The following XYLT1 variants were observed in gnomAD, a reference collection of about 807,000 sequenced individuals.
The protein encoded by XYLT1 is xylosyltransferase 1, also known as beta-D-xylosyltransferase 1.
A neutral mutation model predicts 91.3 loss-of-function variants in XYLT1; 36 were observed. That is an observed-to-expected ratio of 0.39 (90% CI 0.30 to 0.52). The LOEUF (loss-of-function observed/expected upper bound fraction) is 0.52. XYLT1 is among the 20% of genes least tolerant of loss of function. The pLI, the probability that XYLT1 is intolerant of heterozygous loss-of-function variation, is 0.68. For synonymous variants in XYLT1, 588 were observed against 532.0 expected (o/e 1.11, Z -1.45); for missense variants, 1,242 against 1,284.5 (o/e 0.97, Z 0.51).
intron 1 of XYLT1, among the ~76,000 whole-genome samples, chr16:17,398,809 A>C (rs2035923116): frequency 1.2e-5 from 1 of 82,948 alleles, no homozygotes; most frequent in Non-Finnish European, 2.6e-5. Context: ...GCTATGTCCA[A>C]ATGTCCCCGC....
rs573601866 is a variant in XYLT1 at position 17,241,721 on chromosome 16, G to A, written c.913+17267C>T. On this transcript the variant is annotated intron_variant, in intron 3 of 11. Transcript: ENST00000261381. ...GTCTCTTACTCCCAGGTTATGAAACGGTTGACTTTTAGGGGATACAGTGTG... is the reference window on the plus strand; with the variant it reads ...GTCTCTTACTCCCAGGTTATGAAACAGTTGACTTTTAGGGGATACAGTGTG... Among the ~76,000 whole-genome samples, 7 of 152,274 alleles carry A rather than the reference G, an allele frequency of 4.6e-5. No individual in the cohort carries two copies. The South Asian group carries it at 1.2e-3, about 27-fold the overall frequency.
chr16:17,199,674 A>G (rs1163957587), intron 4 of XYLT1, among the ~76,000 whole-genome samples: 1 of 152,106 alleles, frequency 6.6e-6, no homozygotes, highest in Non-Finnish European at 1.5e-5. Context: ...TTACACCGGG[A>G]AACTTCTTTT....
At chr16:17,422,554 G>A (rs2036262806) in intron 1 of XYLT1, among the ~76,000 whole-genome samples, 1 of 152,036 alleles carries the variant, frequency 6.6e-6, no homozygotes, top group African/African-American at 2.4e-5. Context: ...CTGTCACCCA[G>A]GCTGGAGTGC....
chr16:17,367,196 C>T lies in XYLT1; in HGVS notation c.364-9146G>A, dbSNP rs144907503. On this transcript the variant is annotated intron_variant, in intron 1 of 11. Transcript: ENST00000261381. ...TTAGTTCCTCTTAGAAGACAATTGGCGACACTTTACAGTGTTTTGCTTTTC... is the reference window on the plus strand; with the variant it reads ...TTAGTTCCTCTTAGAAGACAATTGGTGACACTTTACAGTGTTTTGCTTTTC... 3.4e-3 allele frequency among the ~76,000 whole-genome samples: 524 copies of T among 152,296 alleles called. 1 individual carries two copies. The highest frequency in any genetic ancestry group is 6.1e-3 in the Admixed American group (94 of 15,302).
At chr16:17,347,148 G>A (rs2035155192) in intron 2 of XYLT1, among the ~76,000 whole-genome samples, 1 of 152,306 alleles carries the variant, frequency 6.6e-6, no homozygotes, top group Middle Eastern at 3.4e-3. Flanking sequence ...TAAGAAATTA[G>A]ATTCAAATAC....
At chr16:17,178,116 T>A (rs1485690875) in intron 5 of XYLT1, among the ~76,000 whole-genome samples, 1 of 152,134 alleles carries the variant, frequency 6.6e-6, no homozygotes, top group Non-Finnish European at 1.5e-5. Context: ...TGGCAGGAAC[T>A]CTGCGGGGCT....
intron 2 of XYLT1, among the ~76,000 whole-genome samples, chr16:17,306,817 C>G (rs1233729961): frequency 1.3e-5 from 2 of 152,022 alleles, no homozygotes; most frequent in Admixed American, 6.6e-5. Flanking sequence ...CTTGAATGTC[C>G]TTACATTCAT....
intron 1 of XYLT1, among the ~76,000 whole-genome samples, chr16:17,454,741 T>C (rs534972969): frequency 6.6e-6 from 1 of 152,080 alleles, no homozygotes; most frequent in Non-Finnish European, 1.5e-5. Flanking sequence ...GTTTCAACCA[T>C]GTTGGTCAGG....
chr16:17,393,704 AGGAGTTCAAGACCAGCCT>A (rs2035848631), intron 1 of XYLT1, among the ~76,000 whole-genome samples: 1 of 152,126 alleles, frequency 6.6e-6, no homozygotes, highest in South Asian at 2.1e-4. Flanking sequence ...GTTTAAGCCC[AGGAGTTCAAGACCAGCCT>A]GGGAAACATA....
chr16:17,129,104 C>G (rs1236447431), intron 9 of XYLT1, among the ~76,000 whole-genome samples: 4 of 134,812 alleles, frequency 3.0e-5, no homozygotes, highest in African/African-American at 1.1e-4. Flanking sequence ...AAAACTTGAA[C>G]AGTCTTCAGA....
chr16:17,167,289 G>A (rs1265016397), intron 5 of XYLT1, among the ~76,000 whole-genome samples: 3 of 152,272 alleles, frequency 2.0e-5, no homozygotes, highest in African/African-American at 4.8e-5. Context: ...CAAGGGGACT[G>A]TTGTTGAGTG....
chr16:17,204,118 C>T (rs1412326916), intron 3 of XYLT1, among the ~76,000 whole-genome samples: 2 of 152,186 alleles, frequency 1.3e-5, no homozygotes, highest in African/African-American at 4.8e-5. Context: ...AGTCCAAAGC[C>T]AGCCCTGATA....
At chr16:17,403,381 G>T (rs75708382) in intron 1 of XYLT1, 1 of 152,240 alleles carries the variant, frequency 6.6e-6, no homozygotes, top group African/African-American at 2.4e-5. Flanking sequence ...CTGTTTTCAC[G>T]CTGCTGATAA....
At chr16:17,461,081 C>G (rs778721003) in intron 1 of XYLT1, among the ~76,000 whole-genome samples, 11 of 152,218 alleles carry the variant, frequency 7.2e-5, no homozygotes, top group Non-Finnish European at 1.3e-4. Context: ...CAACATCACA[C>G]GACCTGCCTC....
intron 10 of XYLT1, among the ~76,000 whole-genome samples, chr16:17,125,950 T>A (rs1354124099): frequency 6.6e-5 from 10 of 152,212 alleles, no homozygotes. Flanking sequence ...GAAATGTATC[T>A]GAGCTGTTCA....
In XYLT1 at chr16:17,293,491, C is replaced by CTTTT. The variant is rs548581536; in HGVS notation, c.403-33997_403-33994dup. On this transcript the variant is annotated intron_variant, in intron 2 of 11. Coordinates refer to ENST00000261381, the MANE Select transcript of XYLT1 (RefSeq NM_022166.4). ...TTTTAACATAAAGATTTTCTCCCTC[C>CTTTT]TTTTTTTTTTTTTTTTTTTTTTTTT... is the stretch of plus-strand genomic sequence containing the variant. 7.1e-4 allele frequency among the ~76,000 whole-genome samples: 84 copies of CTTTT among 119,108 alleles called. 4 individuals carry two copies. Among genetic ancestry groups the CTTTT allele is most frequent in the Non-Finnish European group, 1.2e-3 (64 of 54,974 alleles). The allele number at this position is 119,108 out of a possible 152,430, so 78.1% of individuals were successfully genotyped here.
At chr16:17,338,592 CCTTATCCTGGTCATTCGTGGCCT>C in intron 2 of XYLT1, 1 of 433,502 alleles carries the variant, frequency 2.3e-6, no homozygotes, top group South Asian at 1.6e-5. Flanking sequence ...TTTCGTGTCC[CCTTATCCTGGTCATTCGTGGCCT>C]GCTCACATTC....
intron 1 of XYLT1, among the ~76,000 whole-genome samples, chr16:17,389,862 G>A (rs1367719081): frequency 2.0e-5 from 3 of 152,170 alleles, no homozygotes; most frequent in Non-Finnish European, 4.4e-5. Context: ...TTTACCGACA[G>A]CTTAAGCTGC....
chr16:17,431,389 T>C (rs1372976721), intron 1 of XYLT1, among the ~76,000 whole-genome samples: 1 of 152,134 alleles, frequency 6.6e-6, no homozygotes, highest in Non-Finnish European at 1.5e-5. Context: ...CCCCAGGGGA[T>C]GCTGAGGCTG....
Sources: allele counts gnomAD v4.1 joint callset (sites outside exome capture counted in the v4.1 genomes callset), GRCh38; gene constraint gnomAD v4.1.1; transcripts MANE v1.5; gene names NCBI Gene and HGNC (gene_info 2026-07-23, HGNC 2026-07-21).